Variants in EDDM13 observed in about 807,000 individuals in gnomAD.
The protein encoded by EDDM13 is epididymal protein 13.
A neutral mutation model predicts 17.8 loss-of-function variants in EDDM13; 24 were observed. That is an observed-to-expected ratio of 1.35 (90% confidence interval 0.98 to 1.90). EDDM13 has a LOEUF of 1.90. Among genes scored for constraint, EDDM13 ranks in the 40% most tolerant of loss-of-function variants. The probability of loss-of-function intolerance (pLI) is 0.00; values close to 1 mark genes in which losing one functional copy is unlikely to be tolerated. For synonymous variants in EDDM13, 31 were observed against 37.5 expected, an observed-to-expected ratio of 0.83 and a Z score of 0.63; for missense variants, 97 against 100.8, an observed-to-expected ratio of 0.96 and a Z score of 0.16.
chr19:56,275,537 C>T lies in EDDM13; in HGVS notation c.86-555C>T, dbSNP rs1449208282. On this transcript the variant is annotated intron_variant, in intron 1 of 14. Transcript: ENST00000649256. ...CTTGAGGCCAGGAGTTTGAGACCAG[C>T]CTGGGCAACATAGTGAGACTCATCT... Among the ~76,000 whole-genome samples the T allele has an allele frequency of 2.6e-5, 4 of 152,070 alleles. No homozygotes were observed. The South Asian group carries it at 8.3e-4, about 32-fold the overall frequency.
At chr19:56,280,721 G>C (rs2038627506) in intron 2 of EDDM13, 1 of 152,178 alleles carries the variant, frequency 6.6e-6, no homozygotes, top group Non-Finnish European at 1.5e-5. Flanking sequence ...AGGACAGAGA[G>C]AGAGACAGAA....
intron 13 of EDDM13, chr19:56,302,844 A>T (rs2040437384): frequency 2.5e-6 from 1 of 398,406 alleles, no homozygotes; most frequent in Non-Finnish European, 4.4e-6. Context: ...TTTCTAAGGG[A>T]CGTTCATAAG....
At chr19:56,300,917 C>T (rs184937584) in intron 12 of EDDM13, among the ~76,000 whole-genome samples, 1 of 152,162 alleles carries the variant, frequency 6.6e-6, no homozygotes, top group Admixed American at 6.5e-5. Context: ...CATAAGAAAG[C>T]GACACGGTCG....
chr19:56,272,949 C>T (rs1227160378), intron 1 of EDDM13, 30 bp downstream of exon 1: 31 of 952,288 alleles, frequency 3.3e-5, no homozygotes, highest in Non-Finnish European at 3.9e-5. Flanking sequence ...CTTGTGTCCT[C>T]TATGTATTTT....
At chr19:56,294,376 T>C (rs887866368) in intron 9 of EDDM13, among the ~76,000 whole-genome samples, 11 of 152,238 alleles carry the variant, frequency 7.2e-5, no homozygotes, top group African/African-American at 2.4e-4. Context: ...TCATCTATAA[T>C]GTGGGCGTAA....
At chr19:56,281,269 G>T (rs2038677770) in intron 2 of EDDM13, among the ~76,000 whole-genome samples, 1 of 152,064 alleles carries the variant, frequency 6.6e-6, no homozygotes, top group Non-Finnish European at 1.5e-5. Context: ...CTGTCTCAGG[G>T]GTGGCAGAGG....
chr19:56,291,399 A>T (rs1158850072), intron 9 of EDDM13, among the ~76,000 whole-genome samples: 1 of 152,186 alleles, frequency 6.6e-6, no homozygotes, highest in African/African-American at 2.4e-5. Flanking sequence ...AGTCTCAAAG[A>T]AGCATCTCGA....
At chr19:56,297,957 C>T (rs1184299423) in intron 12 of EDDM13, 1 of 151,966 alleles carries the variant, frequency 6.6e-6, no homozygotes, top group Non-Finnish European at 1.5e-5. Flanking sequence ...CACCTGTGGT[C>T]CCAGCTACCC....
chr19:56,286,957 A>G (rs572404116), intron 6 of EDDM13, among the ~76,000 whole-genome samples: 25 of 152,356 alleles, frequency 1.6e-4, no homozygotes, highest in South Asian at 1.0e-3. Context: ...TTCCCGGTAA[A>G]CCAGGATTCA....
intron 14 of EDDM13, among the ~76,000 whole-genome samples, chr19:56,309,717 C>T (rs1050456836): frequency 1.3e-5 from 2 of 152,206 alleles, no homozygotes; most frequent in African/African-American, 4.8e-5. Context: ...TGGGCAGTCC[C>T]TGCTCCTGCG....
chr19:56,274,112 C>T (rs780806337), intron 1 of EDDM13, among the ~76,000 whole-genome samples: 6 of 152,102 alleles, frequency 3.9e-5, no homozygotes, highest in Non-Finnish European at 7.4e-5. Flanking sequence ...TTTATACATA[C>T]ATGTATTTGC....
intron 13 of EDDM13, among the ~76,000 whole-genome samples, chr19:56,303,265 G>A (rs1460102566): frequency 6.6e-6 from 1 of 151,970 alleles, no homozygotes; most frequent in East Asian, 1.9e-4. Flanking sequence ...GGATCACGAG[G>A]TCAGGAGTTC....
Position 56,281,670 on chromosome 19 carries a change from C to A in EDDM13, c.104-23C>A. ...AATTTTCCATGTTGATTCACTGGCT[C>A]CTGGCTCTGCTGCCCCTTCCAGTCA... is the stretch of plus-strand genomic sequence containing the variant. On this transcript the variant is annotated intron_variant, in intron 2 of 14. Coordinates refer to ENST00000649256, the MANE Select transcript of EDDM13 (RefSeq NM_001354658.2). 3.0e-6 allele frequency: 3 copies of A among 985,106 alleles called. No homozygotes were observed. The South Asian group carries it at 1.4e-4, about 46-fold the overall frequency. The allele number at this position is 985,106 out of a possible 1,614,324, so 61.0% of individuals were successfully genotyped here. A position where few individuals can be genotyped will look rare whatever the true frequency, so the allele number is the denominator to read the frequency against.
At chr19:56,304,255 G>A (rs529559798) in intron 13 of EDDM13, among the ~76,000 whole-genome samples, 5 of 152,218 alleles carry the variant, frequency 3.3e-5, no homozygotes, top group Admixed American at 6.5e-5. Flanking sequence ...CTGCTTATGC[G>A]CTGGGTGTGA....
At chr19:56,287,436 TAC>T (rs1421025708) in intron 6 of EDDM13, among the ~76,000 whole-genome samples, 1 of 152,164 alleles carries the variant, frequency 6.6e-6, no homozygotes, top group Non-Finnish European at 1.5e-5. Flanking sequence ...CCTGCGGAGC[TAC>T]ACAGTCTTCT....
intron 2 of EDDM13, among the ~76,000 whole-genome samples, chr19:56,278,648 C>T (rs1460325382): frequency 6.6e-6 from 1 of 152,210 alleles, no homozygotes; most frequent in African/African-American, 2.4e-5. Flanking sequence ...GTTGTGGGGT[C>T]TGCAAGCTGC....
intron 13 of EDDM13, among the ~76,000 whole-genome samples, chr19:56,304,054 CA>C (rs575346659): frequency 6.6e-6 from 1 of 152,286 alleles, no homozygotes; most frequent in South Asian, 2.1e-4. Flanking sequence ...GGACAGCCGC[CA>C]GCAAGATCCC....
chr19:56,293,279 A>T (rs1328842211), intron 9 of EDDM13, among the ~76,000 whole-genome samples: 1 of 152,194 alleles, frequency 6.6e-6, no homozygotes, highest in Non-Finnish European at 1.5e-5. Flanking sequence ...CTGTGGTAAG[A>T]GAGGGAGAGT....
At chr19:56,276,844 A>C (rs1032522591) in intron 2 of EDDM13, among the ~76,000 whole-genome samples, 1 of 152,082 alleles carries the variant, frequency 6.6e-6, no homozygotes, top group African/African-American at 2.4e-5. Context: ...GCCAAAGGTT[A>C]TCTTTATTGA....
Sources: allele counts gnomAD v4.1 joint callset (sites outside exome capture counted in the v4.1 genomes callset), GRCh38; gene constraint gnomAD v4.1.1; transcripts MANE v1.5; gene names NCBI Gene and HGNC (gene_info 2026-07-23, HGNC 2026-07-21).